Variants in ACYP2 observed in about 807,000 individuals in gnomAD.
ACYP2 encodes the protein acylphosphatase-2.
A neutral mutation model predicts 11.2 loss-of-function variants in ACYP2; 12 were observed. That is an observed-to-expected ratio of 1.08 (90% CI 0.69 to 1.74). The LOEUF is 1.74. Among genes scored for constraint, ACYP2 ranks in the 40% most tolerant of loss-of-function variants. ACYP2 has a pLI of 0.00. For synonymous variants in ACYP2, 43 were observed against 32.2 expected, an observed-to-expected ratio of 1.33 and a Z score of -1.13; for missense variants, 134 against 101.9, an observed-to-expected ratio of 1.31 and a Z score of -1.35.
intron 2 of ACYP2, among the ~76,000 whole-genome samples, chr2:53,995,149 G>C (rs1178146150): frequency 6.6e-6 from 1 of 152,178 alleles, no homozygotes; most frequent in Non-Finnish European, 1.5e-5. Flanking sequence ...TCTAGCTGCA[G>C]CTCTTCTCTC....
chr2:54,110,405 A>C (rs1232204335), intron 4 of ACYP2, among the ~76,000 whole-genome samples: 1 of 152,228 alleles, frequency 6.6e-6, no homozygotes, highest in African/African-American at 2.4e-5. Flanking sequence ...TGTAATGTTT[A>C]GTAGTCAGCC....
intron 4 of ACYP2, among the ~76,000 whole-genome samples, chr2:54,101,461 G>A (rs1249017425): frequency 6.6e-6 from 1 of 152,048 alleles, no homozygotes; most frequent in Admixed American, 6.6e-5. Flanking sequence ...ACGAGGTCAG[G>A]AGTTTGAGAG....
intron 6 of ACYP2, among the ~76,000 whole-genome samples, chr2:54,207,603 CAT>C (rs1344068609): frequency 5.3e-5 from 8 of 152,154 alleles, no homozygotes; most frequent in Non-Finnish European, 1.2e-4. Flanking sequence ...AGGCCTCTTG[CAT>C]ATGTTATTGT....
intron 4 of ACYP2, among the ~76,000 whole-genome samples, chr2:54,062,992 C>T (rs1273556841): frequency 6.6e-6 from 1 of 152,188 alleles, no homozygotes; most frequent in African/African-American, 2.4e-5. Flanking sequence ...ATTAATTCGA[C>T]TATTGACTGA....
intron 4 of ACYP2, among the ~76,000 whole-genome samples, chr2:54,133,170 G>A (rs1360649453): frequency 6.6e-6 from 1 of 152,116 alleles, no homozygotes; most frequent in Admixed American, 6.5e-5. Flanking sequence ...CTGGCCCTTG[G>A]CAACTGACAA....
At chr2:54,089,223 C>G (rs1678096789) in intron 4 of ACYP2, among the ~76,000 whole-genome samples, 1 of 152,150 alleles carries the variant, frequency 6.6e-6, no homozygotes, top group African/African-American at 2.4e-5. Context: ...ATACACTAAG[C>G]AGTCAATGAA....
intron 6 of ACYP2, chr2:54,222,859 C>A (rs1024444431): frequency 1.3e-5 from 2 of 152,186 alleles, no homozygotes; most frequent in Non-Finnish European, 2.9e-5. Context: ...ACCAGACATA[C>A]CTTCACCAAG....
At chr2:54,219,973 C>T (rs1291141064) in intron 6 of ACYP2, among the ~76,000 whole-genome samples, 1 of 145,304 alleles carries the variant, frequency 6.9e-6, no homozygotes, top group Non-Finnish European at 1.5e-5. Flanking sequence ...AACTCCTGAC[C>T]TCAGGTGCTC....
At chr2:54,002,374 C>T (rs1239614324) in intron 2 of ACYP2, among the ~76,000 whole-genome samples, 1 of 142,908 alleles carries the variant, frequency 7.0e-6, no homozygotes, top group East Asian at 2.0e-4. Context: ...GAGACGGAGT[C>T]TTGCTCTGTT....
intron 4 of ACYP2, among the ~76,000 whole-genome samples, chr2:54,057,765 G>A (rs1199215398): frequency 6.6e-6 from 1 of 152,122 alleles, no homozygotes; most frequent in Non-Finnish European, 1.5e-5. Context: ...CAGTTTGTAA[G>A]GTGAATGTGG....
At chr2:54,130,707 C>G (rs1680850694) in intron 4 of ACYP2, among the ~76,000 whole-genome samples, 1 of 152,178 alleles carries the variant, frequency 6.6e-6, no homozygotes, top group Non-Finnish European at 1.5e-5. Flanking sequence ...TCAGTAACGA[C>G]TGGGGCCTAG....
intron 2 of ACYP2, among the ~76,000 whole-genome samples, chr2:54,008,081 G>C (rs991624906): frequency 6.6e-6 from 1 of 152,136 alleles, no homozygotes; most frequent in African/African-American, 2.4e-5. Context: ...TTTTGCAAAC[G>C]CAGTTTCACT....
intron 4 of ACYP2, among the ~76,000 whole-genome samples, chr2:54,131,465 A>G (rs1260496288): frequency 2.0e-5 from 3 of 152,204 alleles, no homozygotes; most frequent in African/African-American, 2.4e-5. Flanking sequence ...CAGTATTTCT[A>G]CTAGTAAGTG....
intron 6 of ACYP2, among the ~76,000 whole-genome samples, chr2:54,160,731 C>T (rs1242683607): frequency 6.6e-6 from 1 of 152,148 alleles, no homozygotes; most frequent in Non-Finnish European, 1.5e-5. Flanking sequence ...CTGAAAAGCT[C>T]TGCATATCAT....
intron 6 of ACYP2, among the ~76,000 whole-genome samples, chr2:54,264,426 A>T (rs1449490990): frequency 1.3e-5 from 2 of 152,080 alleles, no homozygotes; most frequent in Admixed American, 1.3e-4. Context: ...CTAGGCAGAA[A>T]AGTTTTCCAA....
At chr2:54,027,715 T>C (rs559581945) in intron 2 of ACYP2, among the ~76,000 whole-genome samples, 11 of 152,288 alleles carry the variant, frequency 7.2e-5, no homozygotes, top group African/African-American at 2.6e-4. Context: ...TGATACATTA[T>C]TGTGAATAAA....
chr2:53,981,138 A>G (rs10199995), intron 2 of ACYP2, among the ~76,000 whole-genome samples: 14,513 of 152,130 alleles, frequency 0.095, 937 homozygotes, highest in African/African-American at 0.18. Flanking sequence ...TTGTGTTACA[A>G]TTGCCTGTAG....
intron 6 of ACYP2, among the ~76,000 whole-genome samples, chr2:54,162,638 A>T (rs1267052806): frequency 6.6e-6 from 1 of 152,054 alleles, no homozygotes; most frequent in Non-Finnish European, 1.5e-5. Context: ...AAGGATAAAA[A>T]TCCTGTACTC....
intron 6 of ACYP2, among the ~76,000 whole-genome samples, chr2:54,177,496 C>G (rs1683510839): frequency 6.6e-6 from 1 of 152,110 alleles, no homozygotes; most frequent in Non-Finnish European, 1.5e-5. Context: ...TTGCCCACAC[C>G]TTGCAATTAG....
Sources: allele counts gnomAD v4.1 joint callset (sites outside exome capture counted in the v4.1 genomes callset), GRCh38; gene constraint gnomAD v4.1.1; transcripts MANE v1.5; gene names NCBI Gene and HGNC (gene_info 2026-07-23, HGNC 2026-07-21).